IGSF21: variants seen among roughly 807,000 people sequenced by gnomAD.
IGSF21 encodes the protein immunoglobin superfamily member 21.
Under a neutral mutation model 46.8 loss-of-function variants are expected in IGSF21, and 28 were observed. The observed-to-expected ratio is 0.60, with a 90% confidence interval of 0.44 to 0.82. IGSF21 has a LOEUF of 0.82. Among genes scored for constraint, IGSF21 ranks in the 40% least tolerant of loss-of-function variants. The pLI is 0.00. For missense variants in IGSF21, 624 were observed against 665.5 expected, an observed-to-expected ratio of 0.94 and a Z score of 0.69; for synonymous variants, 284 against 273.6, an observed-to-expected ratio of 1.04 and a Z score of -0.38.
intron 1 of IGSF21, among the ~76,000 whole-genome samples, chr1:18,169,050 C>T (rs971184841): frequency 1.1e-4 from 17 of 152,298 alleles, no homozygotes; most frequent in Admixed American, 8.5e-4. Flanking sequence ...TGCTCGCCTG[C>T]GTGGCTATGC....
chr1:18,351,806 G>C (rs1220292512), intron 4 of IGSF21, among the ~76,000 whole-genome samples: 1 of 152,188 alleles, frequency 6.6e-6, no homozygotes, highest in Non-Finnish European at 1.5e-5. Context: ...ACACCCCATA[G>C]ATTTCATCTC....
At chr1:18,211,105 C>T (rs1189037040) in intron 1 of IGSF21, among the ~76,000 whole-genome samples, 4 of 152,316 alleles carry the variant, frequency 2.6e-5, no homozygotes, top group African/African-American at 7.2e-5. Context: ...CTTCTGTCCT[C>T]AAGTGATCCG....
At chr1:18,305,469 AGATGGATGGATGGATGGAT>A (rs1270298414) in intron 3 of IGSF21, among the ~76,000 whole-genome samples, 3 of 131,010 alleles carry the variant, frequency 2.3e-5, no homozygotes, top group Non-Finnish European at 4.8e-5. Context: ...CATGGATGAC[AGATGGATGGATGGATGGAT>A]GATGGATGGA....
chr1:18,150,808 A>C (rs1002931410), intron 1 of IGSF21, among the ~76,000 whole-genome samples: 1 of 152,180 alleles, frequency 6.6e-6, no homozygotes, highest in African/African-American at 2.4e-5. Flanking sequence ...CCCCTCACCA[A>C]GGTCTCTCTG....
intron 2 of IGSF21, among the ~76,000 whole-genome samples, chr1:18,279,746 G>A (rs2085140160): frequency 1.3e-5 from 2 of 152,236 alleles, no homozygotes; most frequent in South Asian, 2.1e-4. Flanking sequence ...GCTTCACTGG[G>A]CTGGGCTGCC....
At chr1:18,247,301 CTG>C (rs1465252808) in intron 2 of IGSF21, among the ~76,000 whole-genome samples, 1 of 152,104 alleles carries the variant, frequency 6.6e-6, no homozygotes, top group Non-Finnish European at 1.5e-5. Context: ...GGTGCCTGGA[CTG>C]TGCTGGGGAT....
intron 4 of IGSF21, among the ~76,000 whole-genome samples, chr1:18,352,965 C>T (rs1011967612): frequency 6.6e-6 from 1 of 152,164 alleles, no homozygotes; most frequent in African/African-American, 2.4e-5. Context: ...GGGCCCCCCA[C>T]CCCTCGCCAC....
At chr1:18,132,915 A>C (rs1570253208) in intron 1 of IGSF21, among the ~76,000 whole-genome samples, 1 of 100,142 alleles carries the variant, frequency 1.0e-5, no homozygotes, top group Admixed American at 1.1e-4. Flanking sequence ...AGGTGGAGGG[A>C]GTGGGGGAGG....
intron 1 of IGSF21, among the ~76,000 whole-genome samples, chr1:18,146,347 G>A (rs1344493333): frequency 6.6e-6 from 1 of 152,172 alleles, no homozygotes; most frequent in Non-Finnish European, 1.5e-5. Context: ...AGGGGGATGG[G>A]TGGGGTGCAG....
chr1:18,376,509 T>A lies in IGSF21; in HGVS notation c.1101+114T>A, dbSNP rs2086281846. On this transcript the variant is annotated intron_variant, in intron 7 of 9. Coordinates refer to ENST00000251296, the MANE Select transcript of IGSF21 (RefSeq NM_032880.5). ...ACTCTTCCTTTGATCCCCAGCCACA[T>A]CCAGTGGGTTTCAGTTTCCCAATGT... The A allele has an allele frequency of 7.1e-6, 6 of 839,812 alleles. No homozygotes were observed. In the South Asian group the frequency reaches 8.3e-5, roughly 12 times the overall value. The allele number at this position is 839,812 out of a possible 1,614,324, so 52.0% of individuals were successfully genotyped here. A position where few individuals can be genotyped will look rare whatever the true frequency, so the allele number is the denominator to read the frequency against.
intron 6 of IGSF21, among the ~76,000 whole-genome samples, chr1:18,373,820 G>C (rs4437848): frequency 0.22 from 33,127 of 152,168 alleles, 4,297 homozygotes; most frequent in Non-Finnish European, 0.29. Flanking sequence ...CTGCACAATG[G>C]GTTTCGTGAT....
At chr1:18,192,062 T>A (rs2086962781) in intron 1 of IGSF21, among the ~76,000 whole-genome samples, 2 of 152,222 alleles carry the variant, frequency 1.3e-5, no homozygotes, top group Non-Finnish European at 2.9e-5. Context: ...AGGCTTCAGA[T>A]GGCAGAAGAG....
intron 2 of IGSF21, among the ~76,000 whole-genome samples, chr1:18,253,180 G>T (rs1035986921): frequency 6.6e-6 from 1 of 152,094 alleles, no homozygotes; most frequent in Non-Finnish European, 1.5e-5. Flanking sequence ...CATCCGATGT[G>T]CAGGGTCTAC....
chr1:18,251,214 G>A (rs1221470647), intron 2 of IGSF21, among the ~76,000 whole-genome samples: 1 of 152,044 alleles, frequency 6.6e-6, no homozygotes. Context: ...AGCATAATAG[G>A]ACTTAGTGGA....
chr1:18,258,424 A>G (rs223184), intron 2 of IGSF21, among the ~76,000 whole-genome samples: 63,174 of 152,120 alleles, frequency 0.42, 14,293 homozygotes, highest in African/African-American at 0.6. Flanking sequence ...CTTGACCTTG[A>G]CAGTTGGTGC....
At chr1:18,199,995 C>G (rs563279972) in intron 1 of IGSF21, among the ~76,000 whole-genome samples, 3 of 152,126 alleles carry the variant, frequency 2.0e-5, no homozygotes, top group African/African-American at 7.2e-5. Flanking sequence ...CTCTGGGGAT[C>G]CAGACAAAGA....
In IGSF21 at chr1:18,141,698, G is replaced by A. The variant is rs540378329; in HGVS notation, c.70+33500G>A. 4.6e-5 allele frequency among the ~76,000 whole-genome samples: 7 copies of A among 152,272 alleles called. No homozygotes were observed. The South Asian group carries it at 1.5e-3, about 32-fold the overall frequency. ...CCATTTCCTTATTTGTAAAGACGGG[G>A]ACAATAATACATTCCTGGACAACAT... is the stretch of plus-strand genomic sequence containing the variant. On this transcript the variant is annotated intron_variant, in intron 1 of 9. Coordinates refer to ENST00000251296, the MANE Select transcript of IGSF21 (RefSeq NM_032880.5).
At chr1:18,198,920 TG>T (rs1164248247) in intron 1 of IGSF21, among the ~76,000 whole-genome samples, 1 of 152,032 alleles carries the variant, frequency 6.6e-6, no homozygotes, top group East Asian at 1.9e-4. Context: ...TCTGCCCAGA[TG>T]CCCCCCCAAA....
chr1:18,202,205 T>C (rs1388459615), intron 1 of IGSF21, among the ~76,000 whole-genome samples: 3 of 152,218 alleles, frequency 2.0e-5, no homozygotes, highest in African/African-American at 7.2e-5. Context: ...ACCCATATTT[T>C]CATAAGCCTG....
Sources: gnomAD v4.1 joint callset for allele counts (sites outside exome capture counted in the v4.1 genomes callset) on GRCh38, gnomAD v4.1.1 for gene constraint, MANE v1.5 for transcripts, NCBI Gene and HGNC (gene_info 2026-07-23, HGNC 2026-07-21) for gene names.